PDE4D: variants seen among roughly 807,000 people sequenced by gnomAD.
PDE4D encodes the protein phosphodiesterase 4D.
In PDE4D, 24 loss-of-function variants were observed where a neutral mutation model predicts 87.4. The observed-to-expected ratio is 0.27, with a 90% CI of 0.20 to 0.39. The LOEUF is 0.39. Ranked by LOEUF, PDE4D falls within the 10% of genes least tolerant of loss-of-function variation. The pLI is 1.00. For missense variants in PDE4D, 714 were observed against 1,041.0 expected (o/e 0.69, Z 4.32); for synonymous variants, 384 against 383.2 (o/e 1.00, Z -0.02).
intron 1 of PDE4D, among the ~76,000 whole-genome samples, chr5:59,842,048 G>T (rs897104234): frequency 1.3e-5 from 2 of 151,998 alleles, no homozygotes; most frequent in Non-Finnish European, 2.9e-5. Context: ...AGTTATTGAA[G>T]GTTCAAAAGT....
intron 1 of PDE4D, among the ~76,000 whole-genome samples, chr5:59,695,305 C>T (rs1043115511): frequency 2.0e-5 from 3 of 151,716 alleles, no homozygotes; most frequent in Non-Finnish European, 4.4e-5. Context: ...CTTCTTTACT[C>T]TTAGCTCCTC....
chr5:60,303,017 C>T (rs1302956356), intron 1 of PDE4D, among the ~76,000 whole-genome samples: 1 of 151,814 alleles, frequency 6.6e-6, no homozygotes, highest in African/African-American at 2.4e-5. Context: ...TTAGTAGAGA[C>T]AGGGTTTAAC....
chr5:60,020,598 A>C (rs1480179261), intron 2 of PDE4D, among the ~76,000 whole-genome samples: 1 of 152,108 alleles, frequency 6.6e-6, no homozygotes, highest in Non-Finnish European at 1.5e-5. Flanking sequence ...TGAAAGAAAA[A>C]AGATAATATA....
At chr5:59,282,643 C>CAAAAAAAA (rs60262509) in intron 1 of PDE4D, among the ~76,000 whole-genome samples, 7 of 38,858 alleles carry the variant, frequency 1.8e-4, no homozygotes, top group African/African-American at 4.3e-4. Flanking sequence ...AACTCCAGCT[C>CAAAAAAAA]AAAAAAAAAA....
intron 3 of PDE4D, among the ~76,000 whole-genome samples, chr5:59,922,163 T>C (rs1034952659): frequency 1.3e-5 from 2 of 152,142 alleles, no homozygotes; most frequent in Non-Finnish European, 2.9e-5. Context: ...AGACCAGCCC[T>C]AGCCAGAGTG....
At chr5:59,401,254 G>T (rs979227004) in intron 1 of PDE4D, among the ~76,000 whole-genome samples, 11 of 152,130 alleles carry the variant, frequency 7.2e-5, no homozygotes, top group African/African-American at 2.7e-4. Context: ...AGACCAGCCT[G>T]GGCAACATAG....
chr5:59,329,958 A>C (rs992837066), intron 1 of PDE4D, among the ~76,000 whole-genome samples: 1 of 152,214 alleles, frequency 6.6e-6, no homozygotes. Flanking sequence ...AAAGTCAAAA[A>C]GTAATTTACA....
chr5:59,124,074 G>C (rs950246850), intron 5 of PDE4D, among the ~76,000 whole-genome samples: 6 of 152,108 alleles, frequency 3.9e-5, no homozygotes, highest in Non-Finnish European at 5.9e-5. Flanking sequence ...ATGTAATCAG[G>C]GGGGAACAAC....
At chr5:59,299,706 A>G (rs1769806058) in intron 1 of PDE4D, among the ~76,000 whole-genome samples, 1 of 152,138 alleles carries the variant, frequency 6.6e-6, no homozygotes, top group Non-Finnish European at 1.5e-5. Flanking sequence ...AGTCCCTCCT[A>G]TCTTTCTCCA....
intron 1 of PDE4D, among the ~76,000 whole-genome samples, chr5:59,704,260 T>G (rs941328384): frequency 6.6e-6 from 1 of 152,194 alleles, no homozygotes; most frequent in South Asian, 2.1e-4. Context: ...TTTATTAAAC[T>G]GAAAGCAGAG....
intron 3 of PDE4D, among the ~76,000 whole-genome samples, chr5:59,907,465 G>T (rs1221724281): frequency 6.6e-6 from 1 of 151,906 alleles, no homozygotes; most frequent in Non-Finnish European, 1.5e-5. Flanking sequence ...GGGAGGAAAA[G>T]AAAAAATAAT....
intron 1 of PDE4D, among the ~76,000 whole-genome samples, chr5:59,827,067 T>C (rs1770414013): frequency 1.3e-5 from 2 of 152,040 alleles, no homozygotes; most frequent in Admixed American, 6.6e-5. Flanking sequence ...TTAAGGTAAA[T>C]TATCTGACTT....
chr5:59,286,706 C>T (rs1767020166), intron 1 of PDE4D, among the ~76,000 whole-genome samples: 1 of 152,120 alleles, frequency 6.6e-6, no homozygotes, highest in African/African-American at 2.4e-5. Flanking sequence ...GCAATGACTC[C>T]TCATTCTGCA....
intron 1 of PDE4D, among the ~76,000 whole-genome samples, chr5:60,199,996 G>A (rs951385261): frequency 1.3e-5 from 2 of 151,544 alleles, no homozygotes; most frequent in Non-Finnish European, 3.0e-5. Flanking sequence ...AGTGGAGGCA[G>A]GAGAGACAGA....
chr5:59,174,261 A>T (rs1439856841), intron 5 of PDE4D: 1 of 152,218 alleles, frequency 6.6e-6, no homozygotes, highest in East Asian at 1.9e-4. Flanking sequence ...GTGCCAATTG[A>T]CTAAATTCTA....
chr5:60,211,006 A>C (rs934479326), intron 1 of PDE4D, among the ~76,000 whole-genome samples: 2 of 152,184 alleles, frequency 1.3e-5, no homozygotes, highest in Admixed American at 6.5e-5. Flanking sequence ...CTGAGCCTGC[A>C]TGGGACTGGG....
chr5:59,203,200 C>T (rs74617520), intron 2 of PDE4D, among the ~76,000 whole-genome samples: 16,695 of 151,966 alleles, frequency 0.11, 1,011 homozygotes, highest in Middle Eastern at 0.16. Context: ...AAAATCAAAA[C>T]AAGACCTACA....
At chr5:59,096,433 C>G (rs1580775063) in intron 5 of PDE4D, among the ~76,000 whole-genome samples, 1 of 152,162 alleles carries the variant, frequency 6.6e-6, no homozygotes, top group Admixed American at 6.5e-5. Flanking sequence ...GCATTTATTT[C>G]TTCTTCCTTT....
chr5:59,760,681 T>C (rs1446642771), intron 1 of PDE4D, among the ~76,000 whole-genome samples: 1 of 152,094 alleles, frequency 6.6e-6, no homozygotes, highest in African/African-American at 2.4e-5. Flanking sequence ...TTGAGAGATA[T>C]ATCATAAATA....
Sources: allele counts gnomAD v4.1 joint callset (sites outside exome capture counted in the v4.1 genomes callset), GRCh38; gene constraint gnomAD v4.1.1; transcripts MANE v1.5; gene names NCBI Gene and HGNC (gene_info 2026-07-23, HGNC 2026-07-21).